PRUNE1: variants seen among roughly 807,000 people sequenced by gnomAD.
PRUNE1 encodes the protein exopolyphosphatase PRUNE1.
PRUNE1 carries 25 observed loss-of-function variants against 42.5 expected under a neutral mutation model. That is an observed-to-expected ratio of 0.59 (90% CI 0.43 to 0.82). The LOEUF (loss-of-function observed/expected upper bound fraction) is 0.82, where lower values mean the gene tolerates loss of function less well. Ranked by LOEUF, PRUNE1 falls within the 40% of genes least tolerant of loss-of-function variation. The probability of loss-of-function intolerance (pLI) is 0.00; values close to 1 mark genes in which losing one functional copy is unlikely to be tolerated. For missense variants in PRUNE1, 443 were observed against 539.3 expected, an observed-to-expected ratio of 0.82 and a Z score of 1.77; for synonymous variants, 203 against 217.1, an observed-to-expected ratio of 0.93 and a Z score of 0.57.
At chr1:151,026,101 ATCAG>A (rs2102929454) in intron 5 of PRUNE1, among the ~76,000 whole-genome samples, 1 of 152,044 alleles carries the variant, frequency 6.6e-6, no homozygotes, top group Non-Finnish European at 1.5e-5. Flanking sequence ...GCATGAAATA[ATCAG>A]TCATTTACTG....
intron 1 of PRUNE1, 86 bp from the exon 2 acceptor site, chr1:151,017,726 A>G: frequency 2.4e-6 from 2 of 843,348 alleles, no homozygotes; most frequent in Non-Finnish European, 3.5e-6. Flanking sequence ...ACCTGTCTCA[A>G]AAATATATAT....
chr1:151,029,267 C>T (rs1238889959), intron 7 of PRUNE1, among the ~76,000 whole-genome samples: 8 of 151,312 alleles, frequency 5.3e-5, no homozygotes, highest in Non-Finnish European at 8.8e-5. Context: ...GTTATAAATC[C>T]GGAGTTAAAA....
chr1:151,027,994 C>G (rs781696954), intron 6 of PRUNE1, among the ~76,000 whole-genome samples: 1 of 152,100 alleles, frequency 6.6e-6, no homozygotes, highest in Non-Finnish European at 1.5e-5. Flanking sequence ...GTCTTTTTCT[C>G]TGGCCTCATC....
At chr1:151,015,301 C>G (rs945961442) in intron 1 of PRUNE1, among the ~76,000 whole-genome samples, 1 of 146,038 alleles carries the variant, frequency 6.8e-6, no homozygotes, top group African/African-American at 2.5e-5. Flanking sequence ...CCACTGCACT[C>G]CAGCCTGGGC....
intron 6 of PRUNE1, 79 bp downstream of exon 6, chr1:151,027,406 T>G: frequency 9.9e-7 from 1 of 1,011,996 alleles, no homozygotes; most frequent in South Asian, 1.4e-5. Context: ...TGCACCTCAT[T>G]CCTGGCTCAC....
chr1:151,026,678 A>G (rs909447868), intron 5 of PRUNE1, among the ~76,000 whole-genome samples: 1 of 152,028 alleles, frequency 6.6e-6, no homozygotes, highest in Non-Finnish European at 1.5e-5. Context: ...AAAAGGAAGA[A>G]AGAAAGAAAG....
chr1:151,012,354 G>A (rs904703849), intron 1 of PRUNE1, among the ~76,000 whole-genome samples: 4 of 152,130 alleles, frequency 2.6e-5, no homozygotes, highest in South Asian at 2.1e-4. Flanking sequence ...CCCCACACAC[G>A]GTTTGCCCAG....
At position 151,035,050 on chromosome 1, in the gene PRUNE1, GC is replaced by G. The variant is rs1253469862; in HGVS notation, c.*818del. On this transcript the variant is annotated 3_prime_UTR_variant, in exon 8 of 8. Coordinates refer to ENST00000271620, the MANE Select transcript of PRUNE1 (RefSeq NM_021222.3). ...CTGGGTCTGTCTCCTGCCTTAGCAG[GC>G]CTATCAATTTCTTGTCAATCTCTTT... 1.3e-5 allele frequency: 2 copies of G among 152,214 alleles called. No homozygotes were observed. Among genetic ancestry groups the G allele is most frequent in the Non-Finnish European group, 2.9e-5 (2 of 68,052 alleles). The allele number at this position is 152,214 out of a possible 1,614,324, so 9.4% of individuals were successfully genotyped here.
rs376902828 is a variant in PRUNE1 at position 151,034,246 on chromosome 1, C to T, written c.*12C>T. The T allele has an allele frequency of 2.8e-5, 44 of 1,597,868 alleles. No homozygotes were observed. In the African/African-American group the frequency reaches 3.5e-4, roughly 13 times the overall value. ...TGTCCAAGAAGTGACTGTTGAGAGG[C>T]GAGGAGGTAGTGGGTGAGGCTACCT... On this transcript the variant is annotated 3_prime_UTR_variant, in exon 8 of 8. Coordinates refer to ENST00000271620, the MANE Select transcript of PRUNE1 (RefSeq NM_021222.3).
chr1:151,021,690 G>T (rs940154347), intron 3 of PRUNE1, among the ~76,000 whole-genome samples: 6 of 151,670 alleles, frequency 4.0e-5, no homozygotes, highest in Non-Finnish European at 2.9e-5. Flanking sequence ...TCCATCTATG[G>T]ATTCATTCAG....
chr1:151,024,155 C>CCAA (rs1280978328), intron 3 of PRUNE1, among the ~76,000 whole-genome samples: 1 of 147,312 alleles, frequency 6.8e-6, no homozygotes, highest in African/African-American at 2.5e-5. Flanking sequence ...CCATTGCACT[C>CCAA]CAACCTGGGC....
At chr1:151,024,527 T>C (rs890900882) in intron 3 of PRUNE1, 84 bp from the exon 4 acceptor site, 16 of 1,267,414 alleles carry the variant, frequency 1.3e-5, no homozygotes, top group Non-Finnish European at 1.7e-5. Flanking sequence ...TTTTCCTTGA[T>C]GTGTGGGGTA....
chr1:151,016,312 C>A (rs1351393058), intron 1 of PRUNE1, among the ~76,000 whole-genome samples: 3 of 151,976 alleles, frequency 2.0e-5, no homozygotes, highest in Non-Finnish European at 4.4e-5. Context: ...TCTCATTCCA[C>A]CCAGCAGAAT....
chr1:151,016,233 T>C (rs1674096140), intron 1 of PRUNE1, among the ~76,000 whole-genome samples: 2 of 151,314 alleles, frequency 1.3e-5, no homozygotes, highest in South Asian at 4.2e-4. Context: ...TAAGACCCTG[T>C]CTCAAAAAAA....
intron 7 of PRUNE1, among the ~76,000 whole-genome samples, chr1:151,031,330 C>G (rs1198757781): frequency 1.3e-5 from 2 of 151,872 alleles, no homozygotes; most frequent in Non-Finnish European, 2.9e-5. Context: ...CGGCTACAGG[C>G]ACACCACCAT....
In PRUNE1 at chr1:151,034,418, T is replaced by C; in HGVS notation, c.*184T>C. On this transcript the variant is annotated 3_prime_UTR_variant, in exon 8 of 8. Coordinates refer to ENST00000271620, the MANE Select transcript of PRUNE1 (RefSeq NM_021222.3). ...CTGCTTTAAGAATGGTTTTCCACCT[T>C]TTCCCCCTAATCTCTACCAATCAGA... 4.8e-6 allele frequency: 3 copies of C among 622,278 alleles called. No individual in the cohort carries two copies. The South Asian group carries it at 6.4e-5, about 13-fold the overall frequency. 38.5% of individuals were successfully genotyped at this position (622,278 alleles called of 1,614,324 possible).
chr1:151,010,562 C>T (rs1288973722), intron 1 of PRUNE1, among the ~76,000 whole-genome samples: 1 of 152,040 alleles, frequency 6.6e-6, no homozygotes, highest in Admixed American at 6.6e-5. Flanking sequence ...TGCATCATCA[C>T]ATAGCCTCTC....
At position 151,034,809 on chromosome 1, in the gene PRUNE1, ATTCTT is replaced by A. The variant is rs1300776920; in HGVS notation, c.*576_*580del. 6.3e-6 allele frequency: 1 copy of A among 157,854 alleles called. No individual in the cohort carries two copies. Among genetic ancestry groups the A allele is most frequent in the Non-Finnish European group, 1.4e-5 (1 of 71,068 alleles). The allele number at this position is 157,854 out of a possible 1,614,324, so 9.8% of individuals were successfully genotyped here. The stretch of plus-strand genomic sequence containing the variant: ...TTGATTCAGAGATGGCTGAATTTCT[ATTCTT>A]AGCTTATTGTGACTGTTTCAGATCT... On this transcript the variant is annotated 3_prime_UTR_variant, in exon 8 of 8. Coordinates refer to ENST00000271620, the MANE Select transcript of PRUNE1 (RefSeq NM_021222.3).
At chr1:151,024,537 A>C in intron 3 of PRUNE1, 74 bp from the exon 4 acceptor site, 117 of 1,347,434 alleles carry the variant, frequency 8.7e-5, no homozygotes, top group Middle Eastern at 1.8e-4. Flanking sequence ...TGTGTGGGGT[A>C]GAGGTTGGCT....
Sources: gnomAD v4.1 joint callset for allele counts (sites outside exome capture counted in the v4.1 genomes callset) on GRCh38, gnomAD v4.1.1 for gene constraint, MANE v1.5 for transcripts, NCBI Gene and HGNC (gene_info 2026-07-23, HGNC 2026-07-21) for gene names.